LRRTM4: variants seen among roughly 807,000 people sequenced by gnomAD.
LRRTM4 encodes leucine rich repeat transmembrane neuronal 4.
LRRTM4 carries 25 observed loss-of-function variants against 47.6 expected under a neutral mutation model. The observed-to-expected ratio is 0.53, with a 90% CI of 0.38 to 0.73. LRRTM4 has a LOEUF of 0.73. Ranked by LOEUF, LRRTM4 falls within the 30% of genes least tolerant of loss-of-function variation. The pLI, the probability that LRRTM4 is intolerant of heterozygous loss-of-function variation, is 0.00. For synonymous variants in LRRTM4, 311 were observed against 269.5 expected, an observed-to-expected ratio of 1.15 and a Z score of -1.51; for missense variants, 638 against 713.4, an observed-to-expected ratio of 0.89 and a Z score of 1.20.
chr2:77,292,906 T>C (rs889724621), intron 3 of LRRTM4, among the ~76,000 whole-genome samples: 2 of 151,718 alleles, frequency 1.3e-5, no homozygotes, highest in Admixed American at 6.6e-5. Flanking sequence ...CACTCGTTAA[T>C]AGCAGAATTA....
Position 76,815,763 on chromosome 2 carries a change from A to G in LRRTM4, c.1552-66847T>C, listed in dbSNP as rs541052739. On this transcript the variant is annotated intron_variant, in intron 3 of 3. Coordinates refer to ENST00000409884, the MANE Select transcript of LRRTM4 (RefSeq NM_001134745.3). ...ATTTTGCAGGTAACATAAAGTAAAT[A>G]TGTGTCAGAGATGAATAGAATGACA... Among the ~76,000 whole-genome samples the G allele has an allele frequency of 5.3e-5, 8 of 152,246 alleles. 1 individual carries two copies. The South Asian group carries it at 1.7e-3, about 32-fold the overall frequency.
At chr2:77,186,123 C>G (rs577451094) in intron 3 of LRRTM4, among the ~76,000 whole-genome samples, 5 of 152,068 alleles carry the variant, frequency 3.3e-5, no homozygotes, top group Non-Finnish European at 5.9e-5. Flanking sequence ...CTTTCATTTC[C>G]ATGAATTTCT....
intron 3 of LRRTM4, among the ~76,000 whole-genome samples, chr2:76,825,418 T>C (rs189212153): frequency 6.6e-6 from 1 of 151,736 alleles, no homozygotes; most frequent in Admixed American, 6.6e-5. Context: ...TACTGACGAA[T>C]TGGATGTAAT....
intron 3 of LRRTM4, among the ~76,000 whole-genome samples, chr2:77,112,826 A>G (rs759364053): frequency 2.6e-5 from 4 of 152,132 alleles, no homozygotes; most frequent in Non-Finnish European, 4.4e-5. Flanking sequence ...CACAAGCTTT[A>G]ATATATGCAG....
intron 3 of LRRTM4, among the ~76,000 whole-genome samples, chr2:76,846,533 GCTAT>G (rs1402062339): frequency 7.9e-5 from 12 of 152,044 alleles, no homozygotes; most frequent in South Asian, 2.1e-4. Context: ...GTATCATCTA[GCTAT>G]CTATCTTTTA....
At chr2:77,031,719 CTCTAACTATA>C (rs961162273) in intron 3 of LRRTM4, among the ~76,000 whole-genome samples, 3 of 141,804 alleles carry the variant, frequency 2.1e-5, no homozygotes, top group Admixed American at 7.0e-5. Context: ...ACCATGTGAT[CTCTAACTATA>C]TCTTTGTGTG....
chr2:76,796,883 G>A (rs1171487660), intron 3 of LRRTM4, among the ~76,000 whole-genome samples: 3 of 151,890 alleles, frequency 2.0e-5, no homozygotes, highest in African/African-American at 7.2e-5. Context: ...AGCAATGGAA[G>A]ATGAAATGAA....
chr2:77,288,057 A>C (rs1676714075), intron 3 of LRRTM4, among the ~76,000 whole-genome samples: 1 of 152,122 alleles, frequency 6.6e-6, no homozygotes, highest in African/African-American at 2.4e-5. Context: ...GGTTAGAAAG[A>C]AAGGAACAAC....
At chr2:77,253,927 G>T (rs1283418717) in intron 3 of LRRTM4, among the ~76,000 whole-genome samples, 1 of 151,970 alleles carries the variant, frequency 6.6e-6, no homozygotes, top group Non-Finnish European at 1.5e-5. Context: ...AAATAGAGAA[G>T]AGTTGAAAAG....
intron 3 of LRRTM4, among the ~76,000 whole-genome samples, chr2:76,822,952 A>G (rs1671094436): frequency 6.6e-6 from 1 of 151,516 alleles, no homozygotes; most frequent in Non-Finnish European, 1.5e-5. Context: ...ATAAAAAACA[A>G]TGCGCACAAA....
At chr2:76,802,212 T>C (rs192851453) in intron 3 of LRRTM4, among the ~76,000 whole-genome samples, 2 of 141,642 alleles carry the variant, frequency 1.4e-5, no homozygotes, top group Admixed American at 7.3e-5. Context: ...TGATCTTATA[T>C]ACAAAAAATC....
chr2:77,271,527 G>A (rs900237406), intron 3 of LRRTM4, among the ~76,000 whole-genome samples: 1 of 152,138 alleles, frequency 6.6e-6, no homozygotes, highest in Non-Finnish European at 1.5e-5. Context: ...AGTGCGGGGG[G>A]CCAAGTAGAG....
At chr2:76,989,986 A>G (rs1676946926) in intron 3 of LRRTM4, 1 of 151,782 alleles carries the variant, frequency 6.6e-6, no homozygotes, top group Admixed American at 6.6e-5. Flanking sequence ...AATATCTAAT[A>G]GGTTTCATAA....
intron 3 of LRRTM4, among the ~76,000 whole-genome samples, chr2:77,414,863 A>G (rs1674578952): frequency 6.6e-6 from 1 of 152,226 alleles, no homozygotes; most frequent in Non-Finnish European, 1.5e-5. Context: ...TCCTGGCTGG[A>G]AAATCAGGCA....
At chr2:76,836,374 ATCTT>A (rs1671513125) in intron 3 of LRRTM4, among the ~76,000 whole-genome samples, 1 of 151,864 alleles carries the variant, frequency 6.6e-6, no homozygotes, top group African/African-American at 2.4e-5. Flanking sequence ...AACACATATT[ATCTT>A]TCTTCTTTCT....
rs1371732520 is a variant in LRRTM4 at position 76,910,446 on chromosome 2, T to TA, written c.1552-161531_1552-161530insT. Among the ~76,000 whole-genome samples, 3 of 152,004 alleles carry TA rather than the reference T, an allele frequency of 2.0e-5. No individual in the cohort carries two copies. The East Asian group carries it at 5.8e-4, about 29-fold the overall frequency. On this transcript the variant is annotated intron_variant, in intron 3 of 3. Coordinates refer to ENST00000409884, the MANE Select transcript of LRRTM4 (RefSeq NM_001134745.3). ...CACCAGCATGGCACATGTATACATA[T>TA]GAAACTAACCTGCACATTGTGCACA...
intron 3 of LRRTM4, among the ~76,000 whole-genome samples, chr2:77,430,939 GCT>G (rs1220576831): frequency 2.7e-5 from 4 of 148,432 alleles, no homozygotes; most frequent in African/African-American, 1.1e-4. Context: ...AGGCCAATTT[GCT>G]CTGTTTTCTG....
chr2:77,080,696 A>G (rs1680501837), intron 3 of LRRTM4, among the ~76,000 whole-genome samples: 1 of 152,200 alleles, frequency 6.6e-6, no homozygotes, highest in African/African-American at 2.4e-5. Context: ...AAATTATGGT[A>G]GCTCCACCTT....
intron 3 of LRRTM4, among the ~76,000 whole-genome samples, chr2:77,373,079 T>TTA (rs70956629): frequency 7.5e-6 from 1 of 133,428 alleles, no homozygotes; most frequent in Admixed American, 7.6e-5. Context: ...AACCAACAAT[T>TTA]AAAAAAAAAA....
Sources: gnomAD v4.1 joint callset for allele counts (sites outside exome capture counted in the v4.1 genomes callset) on GRCh38, gnomAD v4.1.1 for gene constraint, MANE v1.5 for transcripts, NCBI Gene and HGNC (gene_info 2026-07-23, HGNC 2026-07-21) for gene names.